Variants in ITPRID2 observed in about 807,000 individuals in gnomAD.
The protein encoded by ITPRID2 is protein ITPRID2.
In ITPRID2, 60 loss-of-function variants were observed where a neutral mutation model predicts 124.3. The ratio of observed to expected loss-of-function variants is 0.48; its 90% CI spans 0.39 to 0.60. The LOEUF is 0.60. ITPRID2 is among the 20% of genes least tolerant of loss of function. ITPRID2 has a pLI of 0.00. For synonymous variants in ITPRID2, 521 were observed against 542.9 expected (o/e 0.96, Z 0.56); for missense variants, 1,553 against 1,512.2 (o/e 1.03, Z -0.45).
Position 181,902,166 on chromosome 2 carries a change from G to A in ITPRID2, c.1113G>A (p.Thr371=), listed in dbSNP as rs913250818. 7.4e-6 allele frequency: 12 copies of A among 1,613,596 alleles called. No individual in the cohort carries two copies. The East Asian group carries it at 8.9e-5, about 12-fold the overall frequency. The stretch of plus-strand genomic sequence containing the variant: ...TCTCTGGTAGTTCAGCAGCTGTTAC[G>A]GAGAATGCTGATAGTGATAGAATTT... ...EEVSGSSAAV[T]ENADSDRISD... Residue 371 remains threonine (T), a synonymous_variant, in exon 8 of 18, where the codon ACG becomes ACA. Coordinates refer to ENST00000431877, the MANE Select transcript of ITPRID2 (RefSeq NM_001130445.3). The surrounding 1 kb of genome is among the most constrained non-coding windows in gnomAD (Gnocchi z 4.4).
chr2:181,909,115 C>CA (rs771435115), intron 8 of ITPRID2, among the ~76,000 whole-genome samples: 20 of 152,186 alleles, frequency 1.3e-4, no homozygotes, highest in Non-Finnish European at 2.6e-4. Flanking sequence ...AAAATAAACA[C>CA]AAAAAGACAA....
At chr2:181,904,531 C>G (rs1692945013) in intron 8 of ITPRID2, among the ~76,000 whole-genome samples, 1 of 152,142 alleles carries the variant, frequency 6.6e-6, no homozygotes, top group African/African-American at 2.4e-5. Context: ...ATTTCCTCTT[C>G]TCCCAAACAC....
At chr2:181,916,899 T>C (rs1233384116) in intron 11 of ITPRID2, 1 of 995,948 alleles carries the variant, frequency 1.0e-6, no homozygotes, top group East Asian at 1.1e-4. Context: ...GCTCTCTGAC[T>C]AAGCTTTCCC....
intron 4 of ITPRID2, among the ~76,000 whole-genome samples, chr2:181,898,228 C>T (rs755498387): frequency 6.6e-6 from 1 of 151,924 alleles, no homozygotes; most frequent in Non-Finnish European, 1.5e-5. Flanking sequence ...AAAAGCAATT[C>T]ATGTGTGCTG....
chr2:181,901,898 C>T lies in ITPRID2; in HGVS notation c.845C>T (p.Pro282Leu). ...GTGACCTCTAACAAGGAGACAGACCCACCTCCACCTTTAACTCGAAGTAAC... is the reference window on the plus strand; with the variant it reads ...GTGACCTCTAACAAGGAGACAGACCTACCTCCACCTTTAACTCGAAGTAAC... ...SSVTSNKETD[P>L]PPPLTRSNTA... Residue 282 changes from proline to leucine, a missense_variant, in exon 8 of 18, where the codon CCA (proline) becomes CTA (leucine). Transcript: ENST00000431877. 6.2e-7 allele frequency: 1 copy of T among 1,613,900 alleles called. No individual in the cohort carries two copies. Among genetic ancestry groups the T allele is most frequent in the Non-Finnish European group, 8.5e-7 (1 of 1,179,874 alleles).
At chr2:181,893,024 T>G (rs998895565) in intron 2 of ITPRID2, 6 of 309,708 alleles carry the variant, frequency 1.9e-5, no homozygotes, top group African/African-American at 4.2e-5. Context: ...TCTGTACAAC[T>G]GGCACGGAAT....
chr2:181,910,669 C>T lies in ITPRID2; in HGVS notation c.1486+698C>T, dbSNP rs1207716303. 1.5e-6 allele frequency: 1 copy of T among 653,460 alleles called. No individual in the cohort carries two copies. The highest frequency in any genetic ancestry group is 2.7e-5 in the Admixed American group (1 of 36,636). 40.5% of individuals were successfully genotyped at this position (653,460 alleles called of 1,614,324 possible). A position where few individuals can be genotyped will look rare whatever the true frequency, so the allele number is the denominator to read the frequency against. Reference sequence around the variant, plus strand: ...TTTTGAAACTTTACACATGCTGAACCACCCTGTTTTTTTTTTAAACAAAGA... The same window carrying T: ...TTTTGAAACTTTACACATGCTGAACTACCCTGTTTTTTTTTTAAACAAAGA... On this transcript the variant is annotated intron_variant, in intron 9 of 17. Coordinates refer to ENST00000431877, the MANE Select transcript of ITPRID2 (RefSeq NM_001130445.3). The surrounding 1 kb of genome is among the most constrained non-coding windows in gnomAD (Gnocchi z 4.1).
chr2:181,928,123 T>C, intron 16 of ITPRID2, 38 bp from the exon 17 acceptor site: 1 of 1,340,170 alleles, frequency 7.5e-7, no homozygotes, highest in Non-Finnish European at 1.0e-6. Flanking sequence ...ATTCCATTCA[T>C]ATTGGTAAAT....
At chr2:181,899,245 G>A in intron 6 of ITPRID2, 133 bp downstream of exon 6, 4 of 640,904 alleles carry the variant, frequency 6.2e-6, no homozygotes, top group Non-Finnish European at 8.0e-6. Context: ...TCCTGTACCA[G>A]CACAACTGAT....
intron 8 of ITPRID2, among the ~76,000 whole-genome samples, chr2:181,903,876 G>A (rs1242966232): frequency 2.0e-5 from 3 of 152,056 alleles, no homozygotes; most frequent in Non-Finnish European, 4.4e-5. Flanking sequence ...CATAATTAAA[G>A]TGTAAATTTT....
chr2:181,917,068 A>T (rs969983743), intron 11 of ITPRID2: 28 of 946,436 alleles, frequency 3.0e-5, no homozygotes, highest in Non-Finnish European at 3.3e-5. Context: ...TCATTCTCAG[A>T]TTTGTTAGTA....
In ITPRID2 at chr2:181,915,736, A is replaced by C. The variant is rs751199649; in HGVS notation, c.2096A>C (p.Gln699Pro). The change falls in exon 11 of 18, where the codon CAA becomes CCA. Residue 699 changes from glutamine (Q) to proline (P), a missense_variant. Transcript: ENST00000431877. ...DRVNTALQRAQMKVCSLSNQR... is the reference protein window; with the variant it reads ...DRVNTALQRAPMKVCSLSNQR... ...GTTAATACAGCTTTGCAAAGAGCTCAAATGAAGGTTTGCAGTCTGTCTAAT... is the reference window on the plus strand; with the variant it reads ...GTTAATACAGCTTTGCAAAGAGCTCCAATGAAGGTTTGCAGTCTGTCTAAT... 6.2e-7 allele frequency: 1 copy of C among 1,614,126 alleles called. No individual in the cohort carries two copies. Among genetic ancestry groups the C allele is most frequent in the South Asian group, 1.1e-5 (1 of 91,088 alleles).
In ITPRID2 at chr2:181,922,059, C is replaced by A; in HGVS notation, c.3322C>A (p.Gln1108Lys). The change falls in exon 16 of 18, where the codon CAA (glutamine) becomes AAA (lysine). Residue 1108 changes from glutamine (Q) to lysine (K), a missense_variant. Physicochemically the swap from Gln to Lys is moderately conservative, Grantham distance 53 (BLOSUM62 1). Transcript: ENST00000431877. Reference protein sequence around the residue: ...PGESSESVFSQATSESSSVCS... With the variant: ...PGESSESVFSKATSESSSVCS... The stretch of plus-strand genomic sequence containing the variant: ...AGAAAGCTCAGAATCTGTTTTTTCC[C>A]AAGCAACATCAGAATCATCTTCTGT... The A allele has an allele frequency of 6.2e-7, 1 of 1,614,176 alleles. No homozygotes were observed. Among genetic ancestry groups the A allele is most frequent in the Non-Finnish European group, 8.5e-7 (1 of 1,180,036 alleles).
chr2:181,898,708 A>G (rs996708418), intron 4 of ITPRID2, among the ~76,000 whole-genome samples, 172 bp from the exon 5 acceptor site: 1 of 152,128 alleles, frequency 6.6e-6, no homozygotes, highest in Non-Finnish European at 1.5e-5. Context: ...CCCTGTTCTT[A>G]TCTATCTGTA....
chr2:181,899,198 G>T, intron 6 of ITPRID2, 86 bp downstream of exon 6: 1 of 953,418 alleles, frequency 1.0e-6, no homozygotes, highest in South Asian at 1.7e-5. Flanking sequence ...ATTTGACCTT[G>T]ATCATATGAA....
chr2:181,908,599 C>T (rs1271614266), intron 8 of ITPRID2, among the ~76,000 whole-genome samples: 1 of 152,198 alleles, frequency 6.6e-6, no homozygotes, highest in Non-Finnish European at 1.5e-5. Context: ...ATCTGATCTA[C>T]AGGTGATGGT....
At chr2:181,895,949 C>T in intron 2 of ITPRID2, 81 bp from the exon 3 acceptor site, 2 of 1,175,604 alleles carry the variant, frequency 1.7e-6, no homozygotes, top group Non-Finnish European at 2.5e-6. Flanking sequence ...TGAGCTGTAA[C>T]TCTTTAAGTA....
At chr2:181,916,771 C>T (rs1457448706) in intron 11 of ITPRID2, 2 of 933,732 alleles carry the variant, frequency 2.1e-6, no homozygotes, top group Non-Finnish European at 2.6e-6. Flanking sequence ...AAAATCTTCC[C>T]TCTTAAAGTT....
In ITPRID2 at chr2:181,905,029, T is replaced by TA. The variant is rs1168635463; in HGVS notation, c.1413+2564dup. Among the ~76,000 whole-genome samples the TA allele has an allele frequency of 2.6e-5, 4 of 151,948 alleles. No homozygotes were observed. Among genetic ancestry groups the TA allele is most frequent in the Non-Finnish European group, 5.9e-5 (4 of 67,998 alleles). ...TGTCTTGTAGACTGTTTAAAATAGTTATGAATGTTTATAACGATGTTTTTT... is the reference window on the plus strand; with the variant it reads ...TGTCTTGTAGACTGTTTAAAATAGTTAATGAATGTTTATAACGATGTTTTTT... On this transcript the variant is annotated intron_variant, in intron 8 of 17. Transcript: ENST00000431877. This position sits in a 1 kb window ranked among gnomAD's most constrained non-coding sequence, Gnocchi z 4.1.
Sources: gnomAD v4.1 joint callset for allele counts (sites outside exome capture counted in the v4.1 genomes callset) on GRCh38, gnomAD v4.1.1 for gene constraint, Gnocchi (gnomAD v3.1) non-coding constraint, MANE v1.5 for transcripts, NCBI Gene and HGNC (gene_info 2026-07-23, HGNC 2026-07-21) for gene names.